The following AHCYL1 variants were observed in gnomAD, a reference collection of about 807,000 sequenced individuals.
The protein encoded by AHCYL1 is S-adenosylhomocysteine hydrolase-like protein 1.
AHCYL1 carries 20 observed loss-of-function variants against 79.3 expected under a neutral mutation model. That is an observed-to-expected ratio of 0.25 (90% CI 0.18 to 0.37). AHCYL1 has a LOEUF of 0.37. Among genes scored for constraint, AHCYL1 ranks in the 10% least tolerant of loss-of-function variants. AHCYL1 has a pLI of 1.00. For missense variants in AHCYL1, 330 were observed against 673.6 expected (o/e 0.49, Z 5.65); for synonymous variants, 223 against 242.2 (o/e 0.92, Z 0.74).
In AHCYL1 at chr1:110,017,588, G is replaced by A. The variant is rs976898621; in HGVS notation, c.1052+5G>A. 1.2e-6 allele frequency: 2 copies of A among 1,612,548 alleles called. No individual in the cohort carries two copies. The highest frequency in any genetic ancestry group is 1.7e-6 in the Non-Finnish European group (2 of 1,178,776). On this transcript the variant is annotated splice_donor_5th_base_variant and intron_variant, in intron 10 of 16. Coordinates refer to ENST00000369799, the MANE Select transcript of AHCYL1 (RefSeq NM_006621.7). ...CATCTGTGCTCTGCAGGCCTGGTAA[G>A]AACAGAGTGATAATACTATTAGATT... is the stretch of plus-strand genomic sequence containing the variant.
At chr1:109,995,131 G>T (rs180735283) in intron 1 of AHCYL1, among the ~76,000 whole-genome samples, 1 of 152,200 alleles carries the variant, frequency 6.6e-6, no homozygotes, top group East Asian at 1.9e-4. Context: ...AGTGGAAGTG[G>T]GGTAAAGCAT....
chr1:110,017,681 C>G, intron 10 of AHCYL1, 98 bp downstream of exon 10: 1 of 1,319,204 alleles, frequency 7.6e-7, no homozygotes, highest in Non-Finnish European at 1.1e-6. Context: ...CAGAAATCAC[C>G]TAGGGGAAGA....
Position 110,018,656 on chromosome 1 carries a change from C to T in AHCYL1, c.1317+6C>T. On this transcript the variant is annotated splice_donor_region_variant and intron_variant, in intron 13 of 16. Transcript: ENST00000369799. ...GAGTTGTCCTCCTGGCAGAGGTACA[C>T]ACAGAGAAGGACCCTGGCAGAGCAG... 1 of 1,611,206 alleles carries T rather than the reference C, an allele frequency of 6.2e-7. No homozygotes were observed. The highest frequency in any genetic ancestry group is 1.1e-5 in the South Asian group (1 of 90,598).
Position 110,021,619 on chromosome 1 carries a change from T to G in AHCYL1, c.1587-55T>G, listed in dbSNP as rs1027218990. ...AGGTGCTCTGTTTCCGATTGTTTTTTGGAATTCTCATATGGAAGACATAAG... is the reference window on the plus strand; with the variant it reads ...AGGTGCTCTGTTTCCGATTGTTTTTGGGAATTCTCATATGGAAGACATAAG... On this transcript the variant is annotated intron_variant, in intron 16 of 16. Coordinates refer to ENST00000369799, the MANE Select transcript of AHCYL1 (RefSeq NM_006621.7). 4.4e-6 allele frequency: 7 copies of G among 1,588,512 alleles called. No individual in the cohort carries two copies. In the African/African-American group the frequency reaches 9.5e-5, roughly 21 times the overall value.
chr1:109,998,508 C>A (rs762835181), intron 1 of AHCYL1, among the ~76,000 whole-genome samples: 1 of 152,046 alleles, frequency 6.6e-6, no homozygotes, highest in Non-Finnish European at 1.5e-5. Flanking sequence ...GACGGAGTTT[C>A]ACTCATTCGC....
chr1:109,995,287 G>T lies in AHCYL1; in HGVS notation c.120+10115G>T, dbSNP rs75835222. On this transcript the variant is annotated intron_variant, in intron 1 of 16. Coordinates refer to ENST00000369799, the MANE Select transcript of AHCYL1 (RefSeq NM_006621.7). Reference sequence around the variant, plus strand: ...TGGAGCCCCTCCTATTTGGGGAGCAGGGGGTTCATAATTCTGTACATTCTT... The same window carrying T: ...TGGAGCCCCTCCTATTTGGGGAGCATGGGGTTCATAATTCTGTACATTCTT... Among the ~76,000 whole-genome samples the T allele has an allele frequency of 2.0e-3, 294 of 146,956 alleles. 1 individual carries two copies. Among genetic ancestry groups the T allele is most frequent in the Non-Finnish European group, 3.7e-3 (240 of 64,758 alleles).
Position 110,011,333 on chromosome 1 carries a change from C to T in AHCYL1, c.352C>T (p.Arg118Trp). Residue 118 changes from arginine (R) to tryptophan (W), a missense_variant, in exon 3 of 17, where the codon CGG becomes TGG. Arg to Trp is a moderately radical substitution (Grantham distance 101). This residue lies in a region of AHCYL1 where 97 missense variants were observed against 176.3 expected (regional missense o/e 0.55). Transcript: ENST00000369799. Reference sequence around the variant, plus strand: ...CATCAAGCAGGCAGAATTTGGACGCCGGGAGATTGAGATTGCAGAGCAAGG... The same window carrying T: ...CATCAAGCAGGCAGAATTTGGACGCTGGGAGATTGAGATTGCAGAGCAAGG... ...KNIKQAEFGRREIEIAEQDMS... is the reference protein window; with the variant it reads ...KNIKQAEFGRWEIEIAEQDMS... The T allele has an allele frequency of 5.0e-6, 8 of 1,613,802 alleles. No homozygotes were observed. The highest frequency in any genetic ancestry group is 2.2e-5 in the East Asian group (1 of 44,862).
At chr1:109,991,540 C>G (rs1649759755) in intron 1 of AHCYL1, among the ~76,000 whole-genome samples, 1 of 152,204 alleles carries the variant, frequency 6.6e-6, no homozygotes, top group African/African-American at 2.4e-5. Context: ...CTGTTCCATG[C>G]TGTTCATCTT....
Position 109,985,155 on chromosome 1 carries a change from A to T in AHCYL1, c.103A>T (p.Thr35Ser), listed in dbSNP as rs1333946058. Residue 35 changes from threonine (T) to serine (S), a missense_variant, in exon 1 of 17, where the codon ACC becomes TCC. Transcript: ENST00000369799. The stretch of plus-strand genomic sequence containing the variant: ...GAAGTACTCCTTCATGGCCACCGTC[A>T]CCAAGGCGCCCAAGAAGGTGCGGGG... ...AEKYSFMATV[T>S]KAPKKQIQFA... is the part of the protein sequence containing the mutation. 2.5e-6 allele frequency: 4 copies of T among 1,609,452 alleles called. No homozygotes were observed.
chr1:110,003,002 C>T (rs1437430128), intron 1 of AHCYL1, among the ~76,000 whole-genome samples: 2 of 151,768 alleles, frequency 1.3e-5, no homozygotes, highest in East Asian at 3.9e-4. Flanking sequence ...GGGTGGGAGA[C>T]ATTGGAGAGA....
chr1:110,019,118 A>G lies in AHCYL1; in HGVS notation c.1385A>G (p.Gln462Arg). The G allele has an allele frequency of 6.2e-7, 1 of 1,614,024 alleles. No individual in the cohort carries two copies. Among genetic ancestry groups the G allele is most frequent in the Non-Finnish European group, 8.5e-7 (1 of 1,179,940 alleles). Residue 462 changes from glutamine (Q) to arginine (R), a missense_variant and splice_region_variant, in exon 14 of 17, where the codon CAG becomes CGG. Physicochemically the swap from Gln to Arg is conservative, Grantham distance 43. Coordinates refer to ENST00000369799, the MANE Select transcript of AHCYL1 (RefSeq NM_006621.7). ...TFVLSITATTQALALIELYNA... is the reference protein window; with the variant it reads ...TFVLSITATTRALALIELYNA... ...GTTCTGTCCATCACAGCCACAACAC[A>G]GGTATGTGGCAAAATGCCTGCTTAC...
chr1:110,012,514 CA>C, intron 4 of AHCYL1, 52 bp downstream of exon 4: 8 of 1,412,118 alleles, frequency 5.7e-6, no homozygotes, highest in South Asian at 1.4e-5. Flanking sequence ...AGAAAGAAAT[CA>C]ATTTTTTTTT....
chr1:110,017,804 A>T (rs1013134859), intron 10 of AHCYL1, 142 bp from the exon 11 acceptor site: 1 of 932,818 alleles, frequency 1.1e-6, no homozygotes. Context: ...GCCAGTGTAT[A>T]TAGTTTAGCA....
At chr1:110,010,372 A>T (rs1650949225) in intron 2 of AHCYL1, among the ~76,000 whole-genome samples, 1 of 152,232 alleles carries the variant, frequency 6.6e-6, no homozygotes, top group Admixed American at 6.5e-5. Flanking sequence ...AGAAACCGTG[A>T]TGAGGAAAGT....
At chr1:110,016,590 CCA>C in intron 8 of AHCYL1, 75 bp from the exon 9 acceptor site, 1 of 1,597,880 alleles carries the variant, frequency 6.3e-7, no homozygotes, top group Non-Finnish European at 8.6e-7. Context: ...GGGCATTGGC[CCA>C]CACTTTTAAC....
Position 110,018,560 on chromosome 1 carries a change from C to G in AHCYL1, c.1227C>G (p.Leu409=). 6.2e-7 allele frequency: 1 copy of G among 1,614,098 alleles called. No individual in the cohort carries two copies. Among genetic ancestry groups the G allele is most frequent in the Non-Finnish European group, 8.5e-7 (1 of 1,180,026 alleles). Residue 409 remains leucine, a synonymous_variant, in exon 13 of 17, where the codon CTC becomes CTG. Transcript: ENST00000369799. ...HSNTEIDVTS[L]RTPELTWERV... ...TGCTTTCTTCCTTTCAGACCAGCCT[C>G]CGCACTCCGGAGCTGACGTGGGAGC... is the stretch of plus-strand genomic sequence containing the variant.
At position 109,994,187 on chromosome 1, in the gene AHCYL1, T is replaced by G. The variant is rs141898741; in HGVS notation, c.120+9015T>G. 9.2e-5 allele frequency among the ~76,000 whole-genome samples: 14 copies of G among 152,354 alleles called. No homozygotes were observed. The East Asian group carries it at 2.7e-3, about 29-fold the overall frequency. Reference sequence around the variant, plus strand: ...CTAGTTGGCACTACATTTTGTGTGTTCTGTTTCACTTCAAGTGTATAACTT... The same window carrying G: ...CTAGTTGGCACTACATTTTGTGTGTGCTGTTTCACTTCAAGTGTATAACTT... On this transcript the variant is annotated intron_variant, in intron 1 of 16. Transcript: ENST00000369799.
In AHCYL1 at chr1:110,013,000, G is replaced by T. The variant is rs1442292188; in HGVS notation, c.580+1G>T. 1 of 1,602,942 alleles carries T rather than the reference G, an allele frequency of 6.2e-7. No homozygotes were observed. The stretch of plus-strand genomic sequence containing the variant: ...GTAGCTGCAGCACTGGCTGAGGCTG[G>T]TAAGTTCGGTTTTTTCCCACCAACT... On this transcript the variant is annotated splice_donor_variant, in intron 5 of 16. Coordinates refer to ENST00000369799, the MANE Select transcript of AHCYL1 (RefSeq NM_006621.7). LOFTEE classifies it high-confidence loss of function.
chr1:109,998,890 G>A (rs541528397), intron 1 of AHCYL1, among the ~76,000 whole-genome samples: 76 of 152,180 alleles, frequency 5.0e-4, no homozygotes, highest in Non-Finnish European at 8.4e-4. Flanking sequence ...TTTGGACCAG[G>A]AGTGATGGCT....
Sources: allele counts gnomAD v4.1 joint callset (sites outside exome capture counted in the v4.1 genomes callset), GRCh38; gene constraint gnomAD v4.1.1; regional missense constraint gnomAD v4.1.1; transcripts MANE v1.5; gene names NCBI Gene and HGNC (gene_info 2026-07-23, HGNC 2026-07-21).